Variants in ENTPD2 observed in about 807,000 individuals in gnomAD.
ENTPD2 encodes the protein CD39 antigen-like 1.
A neutral mutation model predicts 46.8 loss-of-function variants in ENTPD2; 48 were observed. That is an observed-to-expected ratio of 1.03 (90% CI 0.81 to 1.30). The LOEUF is 1.30. ENTPD2 is among the 50% of genes most tolerant of loss of function. The pLI is 0.00. For synonymous variants in ENTPD2, 316 were observed against 286.1 expected (o/e 1.10, Z -1.06); for missense variants, 707 against 651.1 (o/e 1.09, Z -0.93).
chr9:137,049,533 G>A (rs891512705), intron 7 of ENTPD2: 4 of 433,800 alleles, frequency 9.2e-6, no homozygotes, highest in South Asian at 2.4e-5. Flanking sequence ...TGGAGTCTCC[G>A]GTGGGCACAC....
In ENTPD2 at chr9:137,051,538, C is replaced by T. The variant is rs757768642; in HGVS notation, c.358G>A (p.Gly120Arg). ...ERHAGTPLYL[G>R]ATAGMRLLNL... is the part of the protein sequence containing the mutation. ...AGCAGGCGCATACCCGCTGTGGCTC[C>T]CAGGTAGAGGGGTGTGCCCGCGTGT... Residue 120 changes from glycine to arginine, a missense_variant, in exon 3 of 9, where the codon GGA becomes AGA. Coordinates refer to ENST00000355097, the MANE Select transcript of ENTPD2 (RefSeq NM_203468.3). 9 of 1,609,080 alleles carry T rather than the reference C, an allele frequency of 5.6e-6. No individual in the cohort carries two copies. In the Admixed American group the frequency reaches 6.7e-5, roughly 12 times the overall value.
chr9:137,052,453 C>CA (rs34679600), intron 1 of ENTPD2, 105 bp from the exon 2 acceptor site: 533,837 of 845,380 alleles, frequency 0.63, 168,350 homozygotes, highest in Non-Finnish European at 0.64. Context: ...CTCCCCCCCC[C>CA]ACCCAGTCAT....
At position 137,048,597 on chromosome 9, in the gene ENTPD2, G is replaced by C; in HGVS notation, c.*60C>G. ...GGTACAGGGGTTGTGGGAGGGGTGG[G>C]AGTACGGGGTGGGGATACAGGGGTT... is the stretch of plus-strand genomic sequence containing the variant. On this transcript the variant is annotated 3_prime_UTR_variant, in exon 9 of 9. Transcript: ENST00000355097. The C allele has an allele frequency of 7.0e-7, 1 of 1,419,496 alleles. No homozygotes were observed. The highest frequency in any genetic ancestry group is 9.3e-7 in the Non-Finnish European group (1 of 1,070,094). The allele number at this position is 1,419,496 out of a possible 1,614,324, so 87.9% of individuals were successfully genotyped here.
At chr9:137,052,388 G>A (rs767421632) in intron 1 of ENTPD2, 40 bp from the exon 2 acceptor site, 4 of 1,408,768 alleles carry the variant, frequency 2.8e-6, no homozygotes, top group Admixed American at 1.7e-5. Context: ...GGGTGTCCGG[G>A]GGCCCTGACA....
chr9:137,052,366 G>A lies in ENTPD2; in HGVS notation c.118-18C>T. 1 of 1,457,628 alleles carries A rather than the reference G, an allele frequency of 6.9e-7. No homozygotes were observed. The highest frequency in any genetic ancestry group is 9.6e-7 in the Non-Finnish European group (1 of 1,044,830). 90.3% of individuals were successfully genotyped at this position (1,457,628 alleles called of 1,614,324 possible). Reference sequence around the variant, plus strand: ...ATGCCATACTGCGGGGGAGGGGGAGGGAGTCAGCCTGGGGTGTCCGGGGGC... The same window carrying A: ...ATGCCATACTGCGGGGGAGGGGGAGAGAGTCAGCCTGGGGTGTCCGGGGGC... On this transcript the variant is annotated intron_variant, in intron 1 of 8. Coordinates refer to ENST00000355097, the MANE Select transcript of ENTPD2 (RefSeq NM_203468.3).
In ENTPD2 at chr9:137,053,951, G is replaced by C. The variant is rs1021960460; in HGVS notation, c.47C>G (p.Ala16Gly). The C allele has an allele frequency of 6.5e-5, 79 of 1,224,316 alleles. 1 individual carries two copies. In the Middle Eastern group the frequency reaches 1.2e-3, roughly 19 times the overall value. The allele number at this position is 1,224,316 out of a possible 1,614,324, so 75.8% of individuals were successfully genotyped here. The part of the protein sequence containing the change: ...RSLLPPLLLA[A>G]AGLAGLLLLC... ...CAGTAGGAGGCCGGCGAGGCCCGCG[G>C]CGGCCAGCAGCAGCGGCGGCAGCAG... Residue 16 changes from alanine (A) to glycine (G), a missense_variant, in exon 1 of 9, where the codon GCC (alanine) becomes GGC (glycine). Ala to Gly is a moderately conservative substitution (Grantham distance 60). Coordinates refer to ENST00000355097, the MANE Select transcript of ENTPD2 (RefSeq NM_203468.3).
Position 137,048,720 on chromosome 9 carries a change from G to A in ENTPD2, c.1425C>T (p.Leu475=). The A allele has an allele frequency of 6.2e-7, 1 of 1,606,376 alleles. No individual in the cohort carries two copies. The highest frequency in any genetic ancestry group is 8.5e-7 in the Non-Finnish European group (1 of 1,177,118). Residue 475 remains leucine, a synonymous_variant, in exon 9 of 9, where the codon CTC becomes CTT. Transcript: ENST00000355097. Reference sequence around the variant, plus strand: ...GCAGCAGCAGGACAAGCGCAGCCAGGAGCGCGGAGGCGAAGAGCAGCAGGA... The same window carrying A: ...GCAGCAGCAGGACAAGCGCAGCCAGAAGCGCGGAGGCGAAGAGCAGCAGGA... The part of the protein sequence containing the change: ...VVLLLLFASA[L]LAALVLLLRQ...
At chr9:137,049,150 G>A (rs1219447056) in intron 7 of ENTPD2, 75 bp from the exon 8 acceptor site, 3 of 1,532,796 alleles carry the variant, frequency 2.0e-6, no homozygotes, top group South Asian at 1.2e-5. Context: ...GGGGGCCGGC[G>A]GCGTGCTTCA....
At chr9:137,051,965 C>T (rs1000232900) in intron 2 of ENTPD2, among the ~76,000 whole-genome samples, 10 of 152,206 alleles carry the variant, frequency 6.6e-5, no homozygotes, top group African/African-American at 2.2e-4. Flanking sequence ...CAGACCTCCT[C>T]CTGCTCCATC....
Position 137,053,965 on chromosome 9 carries a change from C to G in ENTPD2, c.33G>C (p.Pro11=). 2.5e-6 allele frequency: 3 copies of G among 1,222,398 alleles called. No individual in the cohort carries two copies. The highest frequency in any genetic ancestry group is 3.1e-6 in the Non-Finnish European group (3 of 982,146). The allele number at this position is 1,222,398 out of a possible 1,614,324, so 75.7% of individuals were successfully genotyped here. A position where few individuals can be genotyped will look rare whatever the true frequency, so the allele number is the denominator to read the frequency against. The change falls in exon 1 of 9, where the codon CCG becomes CCC. Residue 11 remains proline, a synonymous_variant. Transcript: ENST00000355097. The stretch of plus-strand genomic sequence containing the variant: ...CGAGGCCCGCGGCGGCCAGCAGCAG[C>G]GGCGGCAGCAGTGACCGCACCTTCC... MAGKVRSLLP[P]LLLAAAGLAG... is the part of the protein sequence containing the mutation.
chr9:137,048,826 T>A lies in ENTPD2; in HGVS notation c.1319A>T (p.Tyr440Phe), dbSNP rs549794840. The change falls in exon 9 of 9, where the codon TAC becomes TTC. Residue 440 changes from tyrosine to phenylalanine, a missense_variant. Physicochemically the swap from Tyr to Phe is conservative, Grantham distance 22. Transcript: ENST00000355097. ...GATCAGGTTGGTCAGGTTCAGCATG[T>A]AGCCGAGCGCCCAGCCCACTGCAGT... is the stretch of plus-strand genomic sequence containing the variant. ...ADTAVGWALG[Y>F]MLNLTNLIPA... 3 of 1,563,004 alleles carry A rather than the reference T, an allele frequency of 1.9e-6. No individual in the cohort carries two copies. In the Admixed American group the frequency reaches 5.4e-5, roughly 28 times the overall value.
In ENTPD2 at chr9:137,048,350, C is replaced by T. The variant is rs916165763; in HGVS notation, c.*307G>A. ...GAGGGGTTCAAGGAGCTGGATTGAG[C>T]GCTCTTTGCCCACCCAGGCTCCTGT... On this transcript the variant is annotated 3_prime_UTR_variant, in exon 9 of 9. Coordinates refer to ENST00000355097, the MANE Select transcript of ENTPD2 (RefSeq NM_203468.3). The T allele has an allele frequency of 1.8e-5, 6 of 335,038 alleles. No homozygotes were observed. The highest frequency in any genetic ancestry group is 8.3e-4 in the Middle Eastern group (1 of 1,202). 20.8% of individuals were successfully genotyped at this position (335,038 alleles called of 1,614,324 possible).
intron 1 of ENTPD2, chr9:137,052,645 G>C (rs921300434): frequency 1.3e-5 from 3 of 227,578 alleles, no homozygotes; most frequent in African/African-American, 6.7e-5. Flanking sequence ...GTCAGGGACA[G>C]AGGGACAGAG....
intron 1 of ENTPD2, 111 bp from the exon 2 acceptor site, chr9:137,052,459 G>T: frequency 2.4e-6 from 2 of 829,500 alleles, no homozygotes; most frequent in South Asian, 1.6e-5. Flanking sequence ...CCCCCACCCA[G>T]TCATGTGCCA....
At chr9:137,052,467 C>G (rs941379819) in intron 1 of ENTPD2, 119 bp from the exon 2 acceptor site, 21 of 768,280 alleles carry the variant, frequency 2.7e-5, no homozygotes, top group Non-Finnish European at 4.3e-5. Context: ...CAGTCATGTG[C>G]CAAGCCTCAT....
At position 137,051,626 on chromosome 9, in the gene ENTPD2, A is replaced by G. The variant is rs1198889860; in HGVS notation, c.270T>C (p.Ser90=). The change falls in exon 3 of 9, where the codon TCT becomes TCC. Residue 90 remains serine, a synonymous_variant. Transcript: ENST00000355097. ...GGISSYADNP[S]GASQSLVGCL... is the part of the protein sequence containing the mutation. ...ATCCAACAAGACTCTGGCTGGCCCC[A>G]GAAGGGTTGTCTGCATAGCTGGAGA... 1 of 1,612,584 alleles carries G rather than the reference A, an allele frequency of 6.2e-7. No homozygotes were observed.
At position 137,050,924 on chromosome 9, in the gene ENTPD2, C is replaced by T; in HGVS notation, c.752G>A (p.Arg251Lys). ...LCYGRDQVLQRLLASALQTHG... is the reference protein window; with the variant it reads ...LCYGRDQVLQKLLASALQTHG... The stretch of plus-strand genomic sequence containing the variant: ...CACCTGGAGGGCGCTGGCCAGCAGC[C>T]TCTGGAGGACCTGGTCACGGCCATA... Residue 251 changes from arginine to lysine, a missense_variant, in exon 5 of 9, where the codon AGG (arginine) becomes AAG (lysine). Arg to Lys is a conservative substitution (Grantham distance 26). Transcript: ENST00000355097. The T allele has an allele frequency of 7.4e-6, 12 of 1,612,022 alleles. No homozygotes were observed. Among genetic ancestry groups the T allele is most frequent in the Non-Finnish European group, 1.0e-5 (12 of 1,180,008 alleles).
At chr9:137,052,194 T>C in intron 2 of ENTPD2, 37 bp downstream of exon 2, 1 of 1,587,954 alleles carries the variant, frequency 6.3e-7, no homozygotes, top group Non-Finnish European at 8.6e-7. Flanking sequence ...GACCCTGCAG[T>C]GAGTGGGCGT....
intron 4 of ENTPD2, 26 bp downstream of exon 4, chr9:137,051,185 G>C (rs750133912): frequency 1.2e-6 from 2 of 1,611,948 alleles, no homozygotes; most frequent in Non-Finnish European, 1.7e-6. Flanking sequence ...ACGCCCCCTG[G>C]CTCTTTGGCT....
Sources: allele counts gnomAD v4.1 joint callset (sites outside exome capture counted in the v4.1 genomes callset), GRCh38; gene constraint gnomAD v4.1.1; transcripts MANE v1.5; gene names NCBI Gene and HGNC (gene_info 2026-07-23, HGNC 2026-07-21).